Variants in GRIP2 observed in about 807,000 individuals in gnomAD.
GRIP2 encodes glutamate receptor interacting protein 2, also known as glutamate receptor-interacting protein 2.
A neutral mutation model predicts 108.3 loss-of-function variants in GRIP2; 58 were observed. The ratio of observed to expected loss-of-function variants is 0.54; its 90% CI spans 0.43 to 0.67. GRIP2 has a LOEUF of 0.67. Ranked by LOEUF, GRIP2 falls within the 30% of genes least tolerant of loss-of-function variation. The probability of loss-of-function intolerance (pLI) is 0.00; values close to 1 mark genes in which losing one functional copy is unlikely to be tolerated. For missense variants in GRIP2, 1,278 were observed against 1,430.6 expected, an observed-to-expected ratio of 0.89 and a Z score of 1.72; for synonymous variants, 586 against 598.2, an observed-to-expected ratio of 0.98 and a Z score of 0.30.
At chr3:14,595,829 A>G in the GRIP2 span, among the ~76,000 whole-genome samples, 13 of 152,350 alleles carry the variant, frequency 8.5e-5, no homozygotes, top group African/African-American at 2.9e-4. Flanking sequence ...GGATGTGCAC[A>G]GGGGCAGCCC....
chr3:14,525,969 T>G lies in GRIP2; in HGVS notation c.41-38A>C, dbSNP rs1357735907. On this transcript the variant is annotated intron_variant, in intron 1 of 23. Transcript: ENST00000621039. ...AAGAGGGAAAGGCCGAGTTCCACTT[T>G]CGTTTCCATTCCTGCAGACCTCTTC... is the stretch of plus-strand genomic sequence containing the variant. 2.0e-6 allele frequency: 3 copies of G among 1,526,884 alleles called. No individual in the cohort carries two copies. The Admixed American group carries it at 5.9e-5, about 30-fold the overall frequency. The allele number at this position is 1,526,884 out of a possible 1,614,324, so 94.6% of individuals were successfully genotyped here. A position where few individuals can be genotyped will look rare whatever the true frequency, so the allele number is the denominator to read the frequency against.
At chr3:14,572,611 C>CAAAAAAAAAAAAAAAA in the GRIP2 span, among the ~76,000 whole-genome samples, 58 of 46,942 alleles carry the variant, frequency 1.2e-3, 2 homozygotes, top group African/African-American at 3.8e-3. Context: ...GACTCCGTCT[C>CAAAAAAAAAAAAAAAA]AAAAAAAAAA....
At chr3:14,548,855 C>T (rs980155346) in intron 1 of GRIP2, among the ~76,000 whole-genome samples, 23 of 152,180 alleles carry the variant, frequency 1.5e-4, no homozygotes, top group African/African-American at 5.6e-4. Context: ...ACCAGGTGCT[C>T]CCTCCTTGAG....
Position 14,549,815 on chromosome 3 carries a change from G to C in GRIP2, c.55+6085C>G, listed in dbSNP as rs145755923. On this transcript the variant is annotated intron_variant, in intron 1 of 23. Coordinates refer to the GRIP2 transcript ENST00000637182. Reference sequence around the variant, plus strand: ...AGCCCAGAGACAGCTCAGTTCTCTGGCTCCAAAGCCTTAAATCACAGTTCA... The same window carrying C: ...AGCCCAGAGACAGCTCAGTTCTCTGCCTCCAAAGCCTTAAATCACAGTTCA... Among the ~76,000 whole-genome samples the C allele has an allele frequency of 3.2e-3, 484 of 152,286 alleles. 5 individuals are homozygous for C. The highest frequency in any genetic ancestry group is 0.01 in the African/African-American group (428 of 41,546).
chr3:14,552,533 C>T (rs1357758891), intron 1 of GRIP2, among the ~76,000 whole-genome samples: 1 of 152,174 alleles, frequency 6.6e-6, no homozygotes, highest in Non-Finnish European at 1.5e-5. Flanking sequence ...CCTGGCTCCT[C>T]ACCTCCTGCC....
chr3:14,515,850 C>T (rs1259957981), intron 11 of GRIP2, among the ~76,000 whole-genome samples: 4 of 152,006 alleles, frequency 2.6e-5, no homozygotes, highest in Admixed American at 6.6e-5. Flanking sequence ...AGGCTGGTCT[C>T]GAACTCCTGG....
In GRIP2 at chr3:14,507,684, C is replaced by T. The variant is rs376785033; in HGVS notation, c.2095G>A (p.Val699Met). 6.9e-5 allele frequency: 111 copies of T among 1,613,962 alleles called. No homozygotes were observed. Among genetic ancestry groups the T allele is most frequent in the Non-Finnish European group, 3.8e-5 (45 of 1,179,858 alleles). Reference sequence around the variant, plus strand: ...TTGATGGCCAGAATGCGGTCCCCCACGTGGATGGCACCAGTCCTGAGGAGT... The same window carrying T: ...TTGATGGCCAGAATGCGGTCCCCCATGTGGATGGCACCAGTCCTGAGGAGT... ...GLAERTGAIH[V>M]GDRILAINNV... The change falls in exon 18 of 24, where the codon GTG (valine) becomes ATG (methionine). Residue 699 changes from valine to methionine, a missense_variant. Val to Met is a conservative substitution (Grantham distance 21, BLOSUM62 1). Transcript: ENST00000621039. This position sits in a 1 kb window ranked among gnomAD's most constrained non-coding sequence, Gnocchi z 4.6.
upstream of GRIP2, chr3:14,556,132 G>A (rs892603116): frequency 1.3e-5 from 5 of 396,282 alleles, no homozygotes; most frequent in African/African-American, 1.0e-4. Context: ...AGCCAGCGGT[G>A]GCATTGGTGG....
In GRIP2 at chr3:14,522,719, G is replaced by C; in HGVS notation, c.566+281C>G. On this transcript the variant is annotated intron_variant, in intron 6 of 23. Coordinates refer to ENST00000621039, the MANE Select transcript of GRIP2 (RefSeq NM_001080423.4). This position sits in a 1 kb window ranked among gnomAD's most constrained non-coding sequence, Gnocchi z 4.3. The stretch of plus-strand genomic sequence containing the variant: ...ACCATTCCACAGACGGGAAAACCAA[G>C]GAGCAGGAAAGGGAAGAACGACACC... The C allele has an allele frequency of 2.4e-6, 1 of 425,394 alleles. No individual in the cohort carries two copies. The highest frequency in any genetic ancestry group is 4.8e-5 in the East Asian group (1 of 20,646). 26.4% of individuals were successfully genotyped at this position (425,394 alleles called of 1,614,324 possible).
intron 1 of GRIP2, among the ~76,000 whole-genome samples, chr3:14,550,091 C>T (rs1228272826): frequency 2.0e-5 from 3 of 152,196 alleles, no homozygotes; most frequent in African/African-American, 7.2e-5. Context: ...GCAACGACCA[C>T]ATGTTTGAGG....
intron 13 of GRIP2, 107 bp downstream of exon 13, chr3:14,513,558 G>A (rs1694159249): frequency 1.4e-6 from 2 of 1,386,240 alleles, no homozygotes; most frequent in African/African-American, 2.9e-5. Context: ...AAGGGCACTG[G>A]GCACAGAGGG....
intron 1 of GRIP2, among the ~76,000 whole-genome samples, chr3:14,528,620 C>T (rs1324124246): frequency 1.3e-5 from 2 of 152,020 alleles, no homozygotes; most frequent in African/African-American, 4.8e-5. Context: ...CTTTGGGAGG[C>T]CAGGGTAGAA....
chr3:14,511,065 C>A lies in GRIP2; in HGVS notation c.1933+100G>T. 7.1e-7 allele frequency: 1 copy of A among 1,402,862 alleles called. No homozygotes were observed. 86.9% of individuals were successfully genotyped at this position (1,402,862 alleles called of 1,614,324 possible). On this transcript the variant is annotated intron_variant, in intron 16 of 23. Transcript: ENST00000621039. This position sits in a 1 kb window ranked among gnomAD's most constrained non-coding sequence, Gnocchi z 4.1. ...GCCAGCCTTCAGCAGCGCCCACCAC[C>A]CTCCCTTCCTCGGCTGGAGGGAGCC...
At chr3:14,498,233 A>G (rs1257811517) in intron 21 of GRIP2, among the ~76,000 whole-genome samples, 1 of 152,264 alleles carries the variant, frequency 6.6e-6, no homozygotes, top group South Asian at 2.1e-4. Context: ...AGGCGGAGGC[A>G]GGAGGATTGT....
At chr3:14,602,851 C>T in the GRIP2 span, among the ~76,000 whole-genome samples, 6 of 151,552 alleles carry the variant, frequency 4.0e-5, no homozygotes, top group African/African-American at 7.3e-5. The surrounding 1 kb of genome is among the most constrained non-coding windows in gnomAD (Gnocchi z 4.7). Flanking sequence ...GCGCCCCGGG[C>T]CAGCTCAGCT....
the GRIP2 span, chr3:14,573,434 G>A: frequency 2.1e-6 from 3 of 1,438,902 alleles, no homozygotes; most frequent in Admixed American, 5.1e-5. Flanking sequence ...TGGTGTGCAG[G>A]AAGAGGGACA....
chr3:14,600,711 G>A, the GRIP2 span, among the ~76,000 whole-genome samples: 7 of 152,126 alleles, frequency 4.6e-5, no homozygotes, highest in African/African-American at 7.2e-5. Context: ...CCCAGCCCAC[G>A]GGGACTAATT....
rs556495218 is a variant in GRIP2 at position 14,506,149 on chromosome 3, G to A, written c.2399-360C>T. ...ATGCTGACAGAGAGCTGGAGATGGG[G>A]AAGCTGAGGCCCAGGGAGAGCAGGT... On this transcript the variant is annotated intron_variant, in intron 19 of 23. Transcript: ENST00000621039. 8.1e-4 allele frequency among the ~76,000 whole-genome samples: 124 copies of A among 152,356 alleles called. 1 individual carries two copies. The highest frequency in any genetic ancestry group is 6.4e-3 in the South Asian group (31 of 4,834).
rs749908803 is a variant in GRIP2 at position 14,525,885 on chromosome 3, G to T, written c.87C>A (p.Asp29Glu). Residue 29 changes from aspartate to glutamate, a missense_variant, in exon 2 of 24, where the codon GAC becomes GAA. Coordinates refer to ENST00000621039, the MANE Select transcript of GRIP2 (RefSeq NM_001080423.4). ...TCTGTCTGCGGCACGCCAGGGAAACGTCGGCCCCTCCTGCGTCCTTGCCTC... is the reference window on the plus strand; with the variant it reads ...TCTGTCTGCGGCACGCCAGGGAAACTTCGGCCCCTCCTGCGTCCTTGCCTC... The part of the protein sequence containing the change: ...SKGGKDAGGA[D>E]VSLACRRQSI... 4 of 1,562,156 alleles carry T rather than the reference G, an allele frequency of 2.6e-6. No homozygotes were observed. Among genetic ancestry groups the T allele is most frequent in the Middle Eastern group, 1.7e-4 (1 of 5,984 alleles).
Sources: allele counts gnomAD v4.1 joint callset (sites outside exome capture counted in the v4.1 genomes callset), GRCh38; gene constraint gnomAD v4.1.1; non-coding constraint Gnocchi (gnomAD v3.1); transcripts MANE v1.5; gene names NCBI Gene and HGNC (gene_info 2026-07-23, HGNC 2026-07-21).